Variants in DHCR24 observed in about 807,000 individuals in gnomAD.
DHCR24 encodes the protein 24-dehydrocholesterol reductase.
In DHCR24, 28 loss-of-function variants were observed where a neutral mutation model predicts 61.2. The ratio of observed to expected loss-of-function variants is 0.46; its 90% CI spans 0.34 to 0.63. DHCR24 has a LOEUF of 0.63. Ranked by LOEUF, DHCR24 falls within the 20% of genes least tolerant of loss-of-function variation. The pLI is 0.01. For synonymous variants in DHCR24, 261 were observed against 275.9 expected (o/e 0.95, Z 0.54); for missense variants, 538 against 679.1 (o/e 0.79, Z 2.31).
rs611057 is a variant in DHCR24, at chr1:54,865,293, T to C, written c.1020+10A>G. 1 allele frequency: 1,609,000 copies of C among 1,611,552 alleles called. 803,256 individuals are homozygous for C. The highest frequency in any genetic ancestry group is 1 in the East Asian group (44,810 of 44,810). On this transcript the variant is annotated intron_variant, in intron 6 of 8. Coordinates refer to ENST00000371269, the MANE Select transcript of DHCR24 (RefSeq NM_014762.4). ...TGGAGGAGCCAGGGCTACAGAAACC[T>C]AAGCCTCACCTGGAGCTCCCAGAAG...
intron 6 of DHCR24, among the ~76,000 whole-genome samples, chr1:54,860,881 G>A (rs893836586): frequency 8.5e-5 from 3 of 35,446 alleles, no homozygotes; most frequent in East Asian, 2.8e-4. Flanking sequence ...CCAGCTACTC[G>A]GGGGGCTGAG....
rs112359632 is a variant in DHCR24, at chr1:54,854,888, C to T, written c.1021-654G>A. ...TTCCACGCCTCAGACTGCCACGAGG[C>T]GGGAGCTTCCTCACTCAGCACTGCT... is the stretch of plus-strand genomic sequence containing the variant. On this transcript the variant is annotated intron_variant, in intron 6 of 8. Coordinates refer to ENST00000371269, the MANE Select transcript of DHCR24 (RefSeq NM_014762.4). Among the ~76,000 whole-genome samples the T allele has an allele frequency of 9.0e-3, 1,366 of 152,272 alleles. 20 individuals are homozygous for T. Among genetic ancestry groups the T allele is most frequent in the African/African-American group, 0.031 (1,296 of 41,542 alleles).
intron 6 of DHCR24, among the ~76,000 whole-genome samples, chr1:54,858,698 C>T (rs960543246): frequency 3.9e-5 from 6 of 152,096 alleles, no homozygotes; most frequent in East Asian, 3.8e-4. Flanking sequence ...AGAGCAATGG[C>T]GCGATCTCAG....
intron 1 of DHCR24, among the ~76,000 whole-genome samples, chr1:54,885,294 A>G (rs1040121686): frequency 6.6e-6 from 1 of 152,170 alleles, no homozygotes; most frequent in African/African-American, 2.4e-5. Flanking sequence ...GGAGTTTGAC[A>G]CAAGCCCAGA....
intron 4 of DHCR24, among the ~76,000 whole-genome samples, chr1:54,874,821 C>T (rs1326106074): frequency 6.7e-6 from 1 of 149,798 alleles, no homozygotes; most frequent in East Asian, 2.5e-4. Context: ...GATAATAATC[C>T]TTCTATTATT....
chr1:54,886,927 G>A lies in DHCR24; in HGVS notation c.193C>T (p.Arg65Cys). ...TCCCGCACGCGCTGCTCGTGCAGGC[G>A]CGGAGCGCTGCTGAGCTTGAACACC... ...WVVFKLSSAP[R>C]LHEQRVRDIQ... Residue 65 changes from arginine to cysteine, a missense_variant, in exon 1 of 9, where the codon CGC becomes TGC. Coordinates refer to ENST00000371269, the MANE Select transcript of DHCR24 (RefSeq NM_014762.4). 1.2e-6 allele frequency: 2 copies of A among 1,613,400 alleles called. No individual in the cohort carries two copies. Among genetic ancestry groups the A allele is most frequent in the Non-Finnish European group, 1.7e-6 (2 of 1,179,618 alleles).
intron 2 of DHCR24, among the ~76,000 whole-genome samples, chr1:54,876,609 G>GT (rs1312707925): frequency 1.3e-5 from 2 of 151,614 alleles, no homozygotes; most frequent in Non-Finnish European, 2.9e-5. Context: ...AGCCGAGATC[G>GT]TGCCACTGCA....
rs1647001061 is a variant in DHCR24, at chr1:54,871,716, C to T, written c.613-103G>A. The T allele has an allele frequency of 2.7e-6, 4 of 1,490,642 alleles. No individual in the cohort carries two copies. The South Asian group carries it at 4.7e-5, about 17-fold the overall frequency. The allele number at this position is 1,490,642 out of a possible 1,614,324, so 92.3% of individuals were successfully genotyped here. A position where few individuals can be genotyped will look rare whatever the true frequency, so the allele number is the denominator to read the frequency against. The stretch of plus-strand genomic sequence containing the variant: ...GCCTGGGAGAGTCCCTATTCTCTCA[C>T]TCTCTTGTATAAACCCAAACAATGA... On this transcript the variant is annotated intron_variant, in intron 4 of 8. Transcript: ENST00000371269.
In DHCR24 at chr1:54,850,801, T is replaced by C. The variant is rs1054386681; in HGVS notation, c.*1432A>G. Reference sequence around the variant, plus strand: ...TCAGAAGGGTTCCAGGGAGGTCTTGTCTGTAGCGATGTGACAGATGAGGAA... The same window carrying C: ...TCAGAAGGGTTCCAGGGAGGTCTTGCCTGTAGCGATGTGACAGATGAGGAA... On this transcript the variant is annotated 3_prime_UTR_variant, in exon 9 of 9. Transcript: ENST00000371269. 3.3e-5 allele frequency: 5 copies of C among 152,188 alleles called. No homozygotes were observed. Among genetic ancestry groups the C allele is most frequent in the Non-Finnish European group, 5.9e-5 (4 of 68,056 alleles). 9.4% of individuals were successfully genotyped at this position (152,188 alleles called of 1,614,324 possible). A position where few individuals can be genotyped will look rare whatever the true frequency, so the allele number is the denominator to read the frequency against.
intron 8 of DHCR24, 140 bp downstream of exon 8, chr1:54,853,294 C>G (rs986620140): frequency 1.2e-5 from 13 of 1,092,448 alleles, no homozygotes; most frequent in Admixed American, 7.9e-5. Flanking sequence ...GACCCAGAGG[C>G]TGCCACAGCT....
intron 6 of DHCR24, among the ~76,000 whole-genome samples, chr1:54,861,706 G>A (rs1646939350): frequency 6.6e-6 from 1 of 152,152 alleles, no homozygotes; most frequent in African/African-American, 2.4e-5. Context: ...CAGCAACACA[G>A]ATTCCTGGGT....
chr1:54,876,894 C>T (rs1647036643), intron 2 of DHCR24, among the ~76,000 whole-genome samples: 1 of 151,752 alleles, frequency 6.6e-6, no homozygotes, highest in Non-Finnish European at 1.5e-5. Context: ...TGGTGCACAG[C>T]TTGATCTTAC....
At chr1:54,875,265 G>A in intron 3 of DHCR24, 54 bp from the exon 4 acceptor site, 7 of 1,569,036 alleles carry the variant, frequency 4.5e-6, no homozygotes, top group Non-Finnish European at 6.1e-6. Context: ...TACAGGGTTG[G>A]GGGTGGGTTG....
Position 54,887,026 on chromosome 1 carries a change from A to C in DHCR24, c.94T>G (p.Trp32Gly). ...AGGAGGAAGAGGCACACGAACACCC[A>C]GCGCTGGTGGATGAGCACGAACTCC... The part of the protein sequence containing the change: ...GLEFVLIHQR[W>G]VFVCLFLLPL... Residue 32 changes from tryptophan to glycine, a missense_variant, in exon 1 of 9, where the codon TGG (tryptophan) becomes GGG (glycine). Coordinates refer to ENST00000371269, the MANE Select transcript of DHCR24 (RefSeq NM_014762.4). 6.2e-7 allele frequency: 1 copy of C among 1,613,392 alleles called. No individual in the cohort carries two copies. Among genetic ancestry groups the C allele is most frequent in the Non-Finnish European group, 8.5e-7 (1 of 1,179,662 alleles).
At chr1:54,863,403 T>C (rs1406118486) in intron 6 of DHCR24, among the ~76,000 whole-genome samples, 1 of 152,220 alleles carries the variant, frequency 6.6e-6, no homozygotes, top group African/African-American at 2.4e-5. Flanking sequence ...CTTCCTAACC[T>C]ACAAGGAGCC....
At chr1:54,856,670 T>C (rs1646909275) in intron 6 of DHCR24, among the ~76,000 whole-genome samples, 1 of 152,232 alleles carries the variant, frequency 6.6e-6, no homozygotes, top group Admixed American at 6.5e-5. Context: ...ATTTAATCAC[T>C]TCTATACTGG....
chr1:54,860,303 G>A (rs1330256003), intron 6 of DHCR24, among the ~76,000 whole-genome samples: 3 of 152,084 alleles, frequency 2.0e-5, no homozygotes, highest in South Asian at 2.1e-4. Flanking sequence ...CTGCCCCACC[G>A]CCTTTCCTCT....
chr1:54,856,811 T>C (rs1646909859), intron 6 of DHCR24, among the ~76,000 whole-genome samples: 1 of 152,210 alleles, frequency 6.6e-6, no homozygotes, highest in African/African-American at 2.4e-5. Context: ...GTGTGTGCAA[T>C]TTTCATGGAT....
intron 5 of DHCR24, among the ~76,000 whole-genome samples, chr1:54,865,776 A>G (rs1008174085): frequency 3.3e-5 from 5 of 152,118 alleles, no homozygotes; most frequent in African/African-American, 1.2e-4. Flanking sequence ...GCAGTGCCCC[A>G]TGCAGGGGAA....
Sources: gnomAD v4.1 joint callset for allele counts (sites outside exome capture counted in the v4.1 genomes callset) on GRCh38, gnomAD v4.1.1 for gene constraint, MANE v1.5 for transcripts, NCBI Gene and HGNC (gene_info 2026-07-23, HGNC 2026-07-21) for gene names.